The following MAP4 variants were observed in gnomAD, a reference collection of about 807,000 sequenced individuals.
MAP4 encodes the protein microtubule-associated protein 4.
MAP4 carries 76 observed loss-of-function variants against 170.2 expected under a neutral mutation model. That is an observed-to-expected ratio of 0.45 (90% confidence interval 0.37 to 0.54). The LOEUF is 0.54. Ranked by LOEUF, MAP4 falls within the 20% of genes least tolerant of loss-of-function variation. MAP4 has a pLI of 0.00. For synonymous variants in MAP4, 909 were observed against 994.5 expected (o/e 0.91, Z 1.62); for missense variants, 2,506 against 2,748.0 (o/e 0.91, Z 1.97).
chr3:48,009,654 G>A (rs1323212328), intron 1 of MAP4, among the ~76,000 whole-genome samples: 3 of 152,254 alleles, frequency 2.0e-5, no homozygotes, highest in African/African-American at 4.8e-5. Flanking sequence ...AGAAGGCCGT[G>A]TATCCTCTGA....
chr3:48,009,805 C>T (rs1042795071), intron 1 of MAP4, among the ~76,000 whole-genome samples: 1 of 152,198 alleles, frequency 6.6e-6, no homozygotes, highest in East Asian at 1.9e-4. Flanking sequence ...TCTCCTGCAA[C>T]ATTATGTTCT....
chr3:48,005,238 G>A (rs1426091241), intron 1 of MAP4, among the ~76,000 whole-genome samples: 2 of 152,168 alleles, frequency 1.3e-5, no homozygotes, highest in Non-Finnish European at 2.9e-5. Flanking sequence ...GTGCACCCCT[G>A]TAATCCCAGC....
chr3:47,952,073 C>T (rs1465295197), intron 3 of MAP4, among the ~76,000 whole-genome samples: 1 of 149,870 alleles, frequency 6.7e-6, no homozygotes, highest in African/African-American at 2.5e-5. Context: ...GCGTCTCTGC[C>T]CGGCCGCCCC....
chr3:48,008,278 C>T (rs529858349), intron 1 of MAP4, among the ~76,000 whole-genome samples: 94 of 152,204 alleles, frequency 6.2e-4, no homozygotes, highest in Non-Finnish European at 1.1e-3. Flanking sequence ...ATGGGGAGTT[C>T]CCTATGATCA....
rs1201966226 is a variant in MAP4, at chr3:47,911,153, T to C, written c.3268A>G (p.Ser1090Gly). The change falls in exon 9 of 21, where the codon AGC becomes GGC. Residue 1090 changes from serine to glycine, a missense_variant. Ser to Gly is a moderately conservative substitution (Grantham distance 56, BLOSUM62 0). Coordinates refer to ENST00000683076, the MANE Select transcript of MAP4 (RefSeq NM_001385682.1). This position sits in a 1 kb window ranked among gnomAD's most constrained non-coding sequence, Gnocchi z 4.0. ...AGAACAGCCCTTCCGTCCTTCTGGC[T>C]GTCCAGAAGAAATGGCAGCTCAGAT... ...AKSELPFLLD[S>G]QKDGRAVLIP... is the part of the protein sequence containing the mutation. 107 of 1,536,144 alleles carry C rather than the reference T, an allele frequency of 7.0e-5. 1 individual carries two copies. Among genetic ancestry groups the C allele is most frequent in the Non-Finnish European group, 9.1e-5 (104 of 1,146,902 alleles).
chr3:47,935,155 G>A (rs911798430), intron 3 of MAP4, among the ~76,000 whole-genome samples: 3 of 152,214 alleles, frequency 2.0e-5, no homozygotes, highest in Non-Finnish European at 4.4e-5. Flanking sequence ...TGTCTACAAT[G>A]CAGTAAGTGC....
In MAP4 at chr3:47,921,882, GA is replaced by G; in HGVS notation, c.416-5del. The G allele has an allele frequency of 4.0e-6, 5 of 1,264,710 alleles. No individual in the cohort carries two copies. The highest frequency in any genetic ancestry group is 5.8e-6 in the Non-Finnish European group (5 of 862,614). 78.3% of individuals were successfully genotyped at this position (1,264,710 alleles called of 1,614,324 possible). A position where few individuals can be genotyped will look rare whatever the true frequency, so the allele number is the denominator to read the frequency against. ...TCATGGTACATCTTAAAGGGATCTG[GA>G]ATATAGAAGAAATCCAAAACTCATT... On this transcript the variant is annotated splice_region_variant and splice_polypyrimidine_tract_variant and intron_variant, in intron 4 of 20. Coordinates refer to ENST00000683076, the MANE Select transcript of MAP4 (RefSeq NM_001385682.1).
chr3:48,082,780 A>T (rs2100147230), intron 1 of MAP4, among the ~76,000 whole-genome samples: 1 of 150,844 alleles, frequency 6.6e-6, no homozygotes, highest in Non-Finnish European at 1.5e-5. Context: ...CCTGGGCAAC[A>T]GAGCAAGACT....
rs2100034530 is a variant in MAP4, at chr3:47,908,943, T to C, written c.5383+95A>G. 8 of 1,276,482 alleles carry C rather than the reference T, an allele frequency of 6.3e-6. 1 individual carries two copies. In the South Asian group the frequency reaches 1.1e-4, roughly 17 times the overall value. The allele number at this position is 1,276,482 out of a possible 1,614,324, so 79.1% of individuals were successfully genotyped here. A position where few individuals can be genotyped will look rare whatever the true frequency, so the allele number is the denominator to read the frequency against. ...CAAACCAATGATTAACAAGGATGATTAGAGTCTGGATGGAGCCAAGACACA... is the reference window on the plus strand; with the variant it reads ...CAAACCAATGATTAACAAGGATGATCAGAGTCTGGATGGAGCCAAGACACA... On this transcript the variant is annotated intron_variant, in intron 9 of 20. Coordinates refer to ENST00000683076, the MANE Select transcript of MAP4 (RefSeq NM_001385682.1).
chr3:48,076,366 G>C (rs1401410244), intron 1 of MAP4, among the ~76,000 whole-genome samples: 3 of 151,904 alleles, frequency 2.0e-5, no homozygotes, highest in Non-Finnish European at 4.4e-5. Context: ...GCCGGGCATG[G>C]TGGTGGGCAC....
At chr3:47,969,380 T>C (rs2100077128) in intron 3 of MAP4, among the ~76,000 whole-genome samples, 1 of 145,252 alleles carries the variant, frequency 6.9e-6, no homozygotes. Flanking sequence ...CACTCCAGCC[T>C]GGGCAATAAG....
At position 47,852,785 on chromosome 3, in the gene MAP4, C is replaced by T. The variant is rs776300075; in HGVS notation, c.*149G>A. ...CTGCCCAGCACGGCGCCCAAGCGCT[C>T]ACTGGTCTAGTGGACAGCCCGGGAA... On this transcript the variant is annotated 3_prime_UTR_variant, in exon 21 of 21. Transcript: ENST00000683076. 1.5e-4 allele frequency: 237 copies of T among 1,547,944 alleles called. 2 individuals carry two copies. In the South Asian group the frequency reaches 2.7e-3, roughly 18 times the overall value.
chr3:47,919,837 T>TTTC (rs1220302782), intron 5 of MAP4, among the ~76,000 whole-genome samples: 1 of 152,206 alleles, frequency 6.6e-6, no homozygotes, highest in Non-Finnish European at 1.5e-5. Context: ...CGAGTCTTAA[T>TTTC]TTCTTCATCT....
At chr3:48,001,017 C>T (rs911794079) in intron 1 of MAP4, among the ~76,000 whole-genome samples, 2 of 152,132 alleles carry the variant, frequency 1.3e-5, no homozygotes, top group Non-Finnish European at 2.9e-5. Flanking sequence ...CTTCCAGACC[C>T]TGAAAAATCA....
chr3:47,979,328 T>C (rs549820420), intron 2 of MAP4, among the ~76,000 whole-genome samples: 1 of 152,168 alleles, frequency 6.6e-6, no homozygotes, highest in Non-Finnish European at 1.5e-5. Context: ...TTCTATTGAA[T>C]TGCCTTTGCA....
At chr3:48,030,497 A>C (rs1288920599) in intron 1 of MAP4, among the ~76,000 whole-genome samples, 1 of 125,356 alleles carries the variant, frequency 8.0e-6, no homozygotes, top group African/African-American at 2.8e-5. Flanking sequence ...AAAAAAAAAA[A>C]ACAACGATAG....
intron 10 of MAP4, among the ~76,000 whole-genome samples, chr3:47,887,688 G>T (rs1475365001): frequency 1.3e-5 from 2 of 152,240 alleles, no homozygotes; most frequent in African/African-American, 4.8e-5. Flanking sequence ...TGGTGGGGAC[G>T]TGGAGAGTCT....
intron 1 of MAP4, among the ~76,000 whole-genome samples, chr3:48,033,784 A>C (rs2154522586): frequency 6.6e-6 from 1 of 152,098 alleles, no homozygotes; most frequent in Non-Finnish European, 1.5e-5. Context: ...TATTTTTAGT[A>C]AAGACGGATT....
chr3:47,867,483 T>A (rs1030463328), intron 16 of MAP4, 145 bp from the exon 17 acceptor site: 8 of 664,080 alleles, frequency 1.2e-5, no homozygotes, highest in Admixed American at 5.7e-5. Context: ...ACAGAACAGA[T>A]GTGGAAAAGC....
Sources: allele counts gnomAD v4.1 joint callset (sites outside exome capture counted in the v4.1 genomes callset), GRCh38; gene constraint gnomAD v4.1.1; non-coding constraint Gnocchi (gnomAD v3.1); transcripts MANE v1.5; gene names NCBI Gene and HGNC (gene_info 2026-07-23, HGNC 2026-07-21).